The following ATP6V0A4 variants were observed in gnomAD, a reference collection of about 807,000 sequenced individuals.
ATP6V0A4 encodes V-type proton ATPase 116 kDa subunit a 4.
In ATP6V0A4, 86 loss-of-function variants were observed where a neutral mutation model predicts 107.3. The ratio of observed to expected loss-of-function variants is 0.80; its 90% CI spans 0.67 to 0.96. ATP6V0A4 has a LOEUF of 0.96. ATP6V0A4 is among the 40% of genes least tolerant of loss of function. The pLI is 0.00. For missense variants in ATP6V0A4, 908 were observed against 1,045.6 expected (o/e 0.87, Z 1.81); for synonymous variants, 353 against 381.4 (o/e 0.93, Z 0.87).
At chr7:138,708,690 C>A (rs570716696) in intron 21 of ATP6V0A4, among the ~76,000 whole-genome samples, 2 of 152,322 alleles carry the variant, frequency 1.3e-5, no homozygotes, top group South Asian at 4.1e-4. Context: ...CGGTGAGCGT[C>A]TCCCTCCTGG....
chr7:138,770,262 A>C (rs1807315175), intron 3 of ATP6V0A4, among the ~76,000 whole-genome samples: 1 of 145,738 alleles, frequency 6.9e-6, no homozygotes, highest in African/African-American at 2.8e-5. Context: ...AGGGAGGGGA[A>C]GGAAGGAAGA....
At chr7:138,734,115 A>G (rs1369165956) in intron 16 of ATP6V0A4, 21 bp downstream of exon 16, 6 of 1,595,690 alleles carry the variant, frequency 3.8e-6, no homozygotes, top group Non-Finnish European at 5.2e-6. Flanking sequence ...GAGCAGGCAG[A>G]GAGTGCATCA....
intron 9 of ATP6V0A4, among the ~76,000 whole-genome samples, chr7:138,756,196 C>G (rs1194877915): frequency 3.3e-5 from 5 of 152,244 alleles, no homozygotes; most frequent in African/African-American, 7.2e-5. Flanking sequence ...TCTGGAGCAG[C>G]TGATGAAAAG....
At chr7:138,769,499 GAGATGGGGTTTC>G (rs1251002659) in intron 3 of ATP6V0A4, among the ~76,000 whole-genome samples, 1 of 151,966 alleles carries the variant, frequency 6.6e-6, no homozygotes, top group African/African-American at 2.4e-5. Context: ...ATTTGTAGTA[GAGATGGGGTTTC>G]ACCATGTTGG....
At position 138,752,670 on chromosome 7, in the gene ATP6V0A4, C is replaced by T. The variant is rs766313069; in HGVS notation, c.984G>A (p.Pro328=). 39 of 1,613,766 alleles carry T rather than the reference C, an allele frequency of 2.4e-5. No homozygotes were observed. In the South Asian group the frequency reaches 3.0e-4, roughly 12 times the overall value. ...QQCVIAEIWF[P]VADATRIKRA... ...TCTTGATACGTGTGGCATCTGCCAC[C>T]GGGAACCAGATCTCGGCGATGACAC... is the stretch of plus-strand genomic sequence containing the variant. Residue 328 remains proline, a synonymous_variant, in exon 11 of 22, where the codon CCG becomes CCA. Transcript: ENST00000310018.
chr7:138,717,544 AAAAAAG>A (rs982374924), intron 19 of ATP6V0A4, among the ~76,000 whole-genome samples: 4 of 150,814 alleles, frequency 2.7e-5, no homozygotes, highest in East Asian at 2.0e-4. Flanking sequence ...ACTCTGTCTA[AAAAAAG>A]AAAAAGAAAA....
rs1245026252 is a variant in ATP6V0A4 at position 138,773,043 on chromosome 7, C to T, written c.-17-1779G>A. Among the ~76,000 whole-genome samples the T allele has an allele frequency of 1.3e-5, 2 of 152,184 alleles. No homozygotes were observed. Among genetic ancestry groups the T allele is most frequent in the East Asian group, 1.9e-4 (1 of 5,196 alleles). ...TGCTGCCAAATCACACTTTTTCCCC[C>T]CAGGTCAACCTTCTGGAAGAATTTC... On this transcript the variant is annotated intron_variant, in intron 2 of 21. Coordinates refer to ENST00000310018, the MANE Select transcript of ATP6V0A4 (RefSeq NM_020632.3). The surrounding 1 kb of genome is among the most constrained non-coding windows in gnomAD (Gnocchi z 5.4).
chr7:138,715,128 C>T (rs1004112699), intron 20 of ATP6V0A4, among the ~76,000 whole-genome samples: 12 of 152,204 alleles, frequency 7.9e-5, no homozygotes, highest in African/African-American at 2.2e-4. Flanking sequence ...AGCAGGAGCA[C>T]GGCTGCCCAC....
At chr7:138,753,703 T>C (rs961060181) in intron 10 of ATP6V0A4, among the ~76,000 whole-genome samples, 1 of 152,198 alleles carries the variant, frequency 6.6e-6, no homozygotes, top group Non-Finnish European at 1.5e-5. Flanking sequence ...ACAGACATGC[T>C]GGCTCTAAGA....
At chr7:138,724,665 A>G (rs7808193) in intron 18 of ATP6V0A4, among the ~76,000 whole-genome samples, 24,753 of 152,174 alleles carry the variant, frequency 0.16, 2,419 homozygotes, top group African/African-American at 0.28. Flanking sequence ...TTAACTTTAT[A>G]TTTGTCATCT....
chr7:138,709,025 A>C (rs1803593260), intron 21 of ATP6V0A4, among the ~76,000 whole-genome samples: 1 of 152,078 alleles, frequency 6.6e-6, no homozygotes. Flanking sequence ...CCTAGCAAAC[A>C]TGGGGAAACC....
At position 138,706,398 on chromosome 7, in the gene ATP6V0A4, GAATT is replaced by G. The variant is rs1261884786; in HGVS notation, c.*222_*225del. On this transcript the variant is annotated 3_prime_UTR_variant, in exon 22 of 22. Transcript: ENST00000310018. Reference sequence around the variant, plus strand: ...ATTTGTCAATTACTTTATTATTTGAGAATTAATACCCCACATGAAGACAATATCA... The same window carrying G: ...ATTTGTCAATTACTTTATTATTTGAGAATACCCCACATGAAGACAATATCA... The G allele has an allele frequency of 5.4e-6, 3 of 553,622 alleles. No homozygotes were observed. Among genetic ancestry groups the G allele is most frequent in the Non-Finnish European group, 9.7e-6 (3 of 307,820 alleles). The allele number at this position is 553,622 out of a possible 1,614,324, so 34.3% of individuals were successfully genotyped here. A position where few individuals can be genotyped will look rare whatever the true frequency, so the allele number is the denominator to read the frequency against.
chr7:138,757,751 T>C (rs1806584119), intron 8 of ATP6V0A4, among the ~76,000 whole-genome samples: 1 of 152,166 alleles, frequency 6.6e-6, no homozygotes, highest in Admixed American at 6.5e-5. Context: ...TCCACATGCA[T>C]AAAGATGCTC....
chr7:138,711,341 G>A (rs910688029), intron 20 of ATP6V0A4, among the ~76,000 whole-genome samples: 2 of 152,200 alleles, frequency 1.3e-5, no homozygotes, highest in South Asian at 2.1e-4. Context: ...ACCTATGCAA[G>A]TAAGGGTCCA....
chr7:138,763,385 T>C (rs934744902), intron 5 of ATP6V0A4, among the ~76,000 whole-genome samples: 3 of 152,162 alleles, frequency 2.0e-5, no homozygotes, highest in Non-Finnish European at 4.4e-5. Flanking sequence ...CCCAGCACTT[T>C]GGGAGGCCGA....
chr7:138,777,641 C>T (rs1013004179), intron 2 of ATP6V0A4, among the ~76,000 whole-genome samples: 2 of 149,278 alleles, frequency 1.3e-5, no homozygotes, highest in Non-Finnish European at 3.0e-5. Flanking sequence ...AATACACACA[C>T]ACACACACAC....
chr7:138,727,822 A>C (rs755489859), intron 18 of ATP6V0A4, among the ~76,000 whole-genome samples: 4 of 152,226 alleles, frequency 2.6e-5, no homozygotes, highest in Non-Finnish European at 5.9e-5. Flanking sequence ...GTCCTCTGGA[A>C]GGTTAATCTT....
chr7:138,796,549 A>G (rs1808672270), intron 1 of ATP6V0A4, among the ~76,000 whole-genome samples: 1 of 152,082 alleles, frequency 6.6e-6, no homozygotes, highest in Non-Finnish European at 1.5e-5. Context: ...CTGTGTGCAC[A>G]CAGACGATTC....
chr7:138,778,530 A>G (rs1807775615), intron 2 of ATP6V0A4, among the ~76,000 whole-genome samples: 1 of 152,028 alleles, frequency 6.6e-6, no homozygotes, highest in Admixed American at 6.6e-5. Flanking sequence ...CAGATAATCA[A>G]TCTGTATATT....
Sources: gnomAD v4.1 joint callset for allele counts (sites outside exome capture counted in the v4.1 genomes callset) on GRCh38, gnomAD v4.1.1 for gene constraint, Gnocchi (gnomAD v3.1) non-coding constraint, MANE v1.5 for transcripts, NCBI Gene and HGNC (gene_info 2026-07-23, HGNC 2026-07-21) for gene names.